Variants in TTLL7 observed in about 807,000 individuals in gnomAD.
The protein encoded by TTLL7 is tubulin polyglutamylase TTLL7.
In TTLL7, 53 loss-of-function variants were observed where a neutral mutation model predicts 120.2. The observed-to-expected ratio is 0.44, with a 90% CI of 0.35 to 0.55. The LOEUF is 0.55. TTLL7 is among the 20% of genes least tolerant of loss of function. TTLL7 has a pLI of 0.00. For synonymous variants in TTLL7, 353 were observed against 351.7 expected, an observed-to-expected ratio of 1.00 and a Z score of -0.04; for missense variants, 803 against 1,054.7, an observed-to-expected ratio of 0.76 and a Z score of 3.31.
intron 15 of TTLL7, among the ~76,000 whole-genome samples, chr1:83,910,184 C>T (rs1557614571): frequency 6.6e-6 from 1 of 152,130 alleles, no homozygotes; most frequent in Admixed American, 6.6e-5. Context: ...CTTTATTCCT[C>T]ATGCATTTTG....
chr1:83,890,574 C>T, intron 18 of TTLL7, 93 bp from the exon 19 acceptor site: 1 of 1,021,854 alleles, frequency 9.8e-7, no homozygotes, highest in Non-Finnish European at 1.4e-6. Context: ...TCCAGACCAG[C>T]CTGGGCAATA....
chr1:83,982,960 C>T (rs993656622), intron 1 of TTLL7, among the ~76,000 whole-genome samples: 1 of 152,050 alleles, frequency 6.6e-6, no homozygotes, highest in Non-Finnish European at 1.5e-5. Flanking sequence ...ATACAAAGAC[C>T]AATGGAACAG....
intron 1 of TTLL7, among the ~76,000 whole-genome samples, chr1:83,962,433 T>C (rs1315749313): frequency 1.3e-5 from 2 of 152,140 alleles, no homozygotes; most frequent in African/African-American, 2.4e-5. Flanking sequence ...TATATTTCCA[T>C]CTACTTTTAT....
chr1:83,976,033 CTGTGTG>C (rs34596192), intron 1 of TTLL7, among the ~76,000 whole-genome samples: 8,711 of 147,798 alleles, frequency 0.059, 316 homozygotes, highest in African/African-American at 0.11. Context: ...TTGTCTCTCT[CTGTGTG>C]TGTGTGTGTG....
chr1:83,941,470 A>G (rs759420208), intron 7 of TTLL7, among the ~76,000 whole-genome samples: 4 of 152,166 alleles, frequency 2.6e-5, no homozygotes, highest in Non-Finnish European at 4.4e-5. Context: ...AAAGTTTGAC[A>G]GTTTCCTTAT....
intron 6 of TTLL7, chr1:83,946,474 T>A (rs1003605657): frequency 1.3e-5 from 2 of 152,174 alleles, no homozygotes; most frequent in South Asian, 4.1e-4. Context: ...TAATAGTAAA[T>A]ACATAAACCA....
In TTLL7 at chr1:83,905,532, CAT is replaced by C. The variant is rs988011541; in HGVS notation, c.2127+795_2127+796del. 9.9e-4 allele frequency among the ~76,000 whole-genome samples: 144 copies of C among 144,726 alleles called. 1 individual carries two copies. The highest frequency in any genetic ancestry group is 4.3e-3 in the South Asian group (20 of 4,608). 94.9% of individuals were successfully genotyped at this position (144,726 alleles called of 152,430 possible). A position where few individuals can be genotyped will look rare whatever the true frequency, so the allele number is the denominator to read the frequency against. On this transcript the variant is annotated intron_variant, in intron 17 of 20. Coordinates refer to ENST00000260505, the MANE Select transcript of TTLL7 (RefSeq NM_024686.6). ...TGCCCTCTCCTCTGGGAAAAAAAAACATATATTTTATATACATAATTTATAAA... is the reference window on the plus strand; with the variant it reads ...TGCCCTCTCCTCTGGGAAAAAAAAACATATTTTATATACATAATTTATAAA...
In TTLL7 at chr1:83,892,664, A is replaced by G. The variant is rs193084606; in HGVS notation, c.2209-2183T>C. ...CATATATATGAACATATGAATGAAC[A>G]TATATATGAACATATGAACATATAT... On this transcript the variant is annotated intron_variant, in intron 18 of 20. Coordinates refer to ENST00000260505, the MANE Select transcript of TTLL7 (RefSeq NM_024686.6). 3.5e-3 allele frequency among the ~76,000 whole-genome samples: 512 copies of G among 148,036 alleles called. 3 individuals are homozygous for G. The highest frequency in any genetic ancestry group is 6.4e-3 in the Non-Finnish European group (423 of 66,128).
intron 15 of TTLL7, among the ~76,000 whole-genome samples, 176 bp from the exon 16 acceptor site, chr1:83,907,837 A>G (rs1657334520): frequency 6.6e-6 from 1 of 152,158 alleles, no homozygotes; most frequent in Admixed American, 6.6e-5. Flanking sequence ...AACAACAGTG[A>G]ACTTGTTGCA....
chr1:83,982,012 C>G (rs1230350636), intron 1 of TTLL7, among the ~76,000 whole-genome samples: 1 of 152,118 alleles, frequency 6.6e-6, no homozygotes, highest in Non-Finnish European at 1.5e-5. Flanking sequence ...CCATACAGCA[C>G]TCACCAAGAT....
chr1:83,948,518 C>A, intron 5 of TTLL7, 110 bp downstream of exon 5: 1 of 738,846 alleles, frequency 1.4e-6, no homozygotes, highest in Non-Finnish European at 2.2e-6. Context: ...TTCTATCACT[C>A]TCATCTAAAT....
chr1:83,942,438 A>C, intron 7 of TTLL7, 25 bp downstream of exon 7: 1 of 1,557,554 alleles, frequency 6.4e-7, no homozygotes, highest in Non-Finnish European at 8.9e-7. Flanking sequence ...GAATGAAAAG[A>C]TAAGCTCTGT....
intron 1 of TTLL7, 133 bp from the exon 2 acceptor site, chr1:83,952,520 T>C (rs1649153969): frequency 3.6e-6 from 1 of 274,876 alleles, no homozygotes; most frequent in Non-Finnish European, 6.8e-6. Flanking sequence ...GTAAATCGGT[T>C]TATTAAACCT....
intron 8 of TTLL7, among the ~76,000 whole-genome samples, chr1:83,935,969 T>C (rs1273928109): frequency 1.3e-5 from 2 of 152,188 alleles, no homozygotes; most frequent in African/African-American, 2.4e-5. Context: ...TATTAACTGA[T>C]TGTTTATAGA....
At chr1:83,929,887 T>C (rs141825321) in intron 9 of TTLL7, among the ~76,000 whole-genome samples, 11 of 152,296 alleles carry the variant, frequency 7.2e-5, no homozygotes, top group Non-Finnish European at 1.5e-4. Flanking sequence ...GCTTAGCTTC[T>C]TGACCACCAA....
intron 1 of TTLL7, chr1:83,980,344 C>T (rs150188567): frequency 3.3e-5 from 5 of 152,286 alleles, no homozygotes; most frequent in African/African-American, 1.2e-4. Context: ...AGCTCACTGC[C>T]GCCTTGAACT....
intron 1 of TTLL7, among the ~76,000 whole-genome samples, chr1:83,972,787 T>C (rs1406484788): frequency 6.6e-6 from 1 of 152,118 alleles, no homozygotes; most frequent in Non-Finnish European, 1.5e-5. Flanking sequence ...CGTAGTGGCA[T>C]CTCATTCTTG....
intron 5 of TTLL7, chr1:83,947,722 G>A (rs1648642819): frequency 6.6e-6 from 1 of 152,442 alleles, no homozygotes; most frequent in Admixed American, 6.5e-5. Context: ...CTCAGGGATG[G>A]GAGTAGGGAG....
chr1:83,870,698 G>A (rs1255328780), intron 20 of TTLL7, among the ~76,000 whole-genome samples: 1 of 151,922 alleles, frequency 6.6e-6, no homozygotes, highest in Non-Finnish European at 1.5e-5. Flanking sequence ...GTCATCTGAG[G>A]TTGGGAGTTC....
Sources: gnomAD v4.1 joint callset for allele counts (sites outside exome capture counted in the v4.1 genomes callset) on GRCh38, gnomAD v4.1.1 for gene constraint, MANE v1.5 for transcripts, NCBI Gene and HGNC (gene_info 2026-07-23, HGNC 2026-07-21) for gene names.